Variants in IRAG1 observed in about 807,000 individuals in gnomAD.
IRAG1 encodes the protein IP3R-associated cGMP kinase substrate.
Under a neutral mutation model 106.2 loss-of-function variants are expected in IRAG1, and 62 were observed. The ratio of observed to expected loss-of-function variants is 0.58; its 90% CI spans 0.48 to 0.72. The LOEUF (loss-of-function observed/expected upper bound fraction) is 0.72, where lower values mean the gene tolerates loss of function less well. Among genes scored for constraint, IRAG1 ranks in the 30% least tolerant of loss-of-function variants. IRAG1 has a pLI of 0.00. For synonymous variants in IRAG1, 462 were observed against 443.9 expected (o/e 1.04, Z -0.51); for missense variants, 1,064 against 1,140.7 (o/e 0.93, Z 0.97).
chr11:10,652,119 C>CGT lies in IRAG1; in HGVS notation c.129_130dup (p.Arg44HisfsTer50), dbSNP rs766554524. On this transcript the variant is annotated frameshift_variant, in exon 2 of 21. Coordinates refer to ENST00000423302, the MANE Select transcript of IRAG1 (RefSeq NM_130385.4). LOFTEE classifies it high-confidence loss of function. ...GGCAGCCTCCTGCTGGGAGTGGCCA[C>CGT]GTGTGCCCGGAACCTCCGCTGCGTC... 2 of 1,611,416 alleles carry CGT rather than the reference C, an allele frequency of 1.2e-6. No homozygotes were observed. Among genetic ancestry groups the CGT allele is most frequent in the Non-Finnish European group, 8.5e-7 (1 of 1,178,992 alleles).
chr11:10,632,152 TTC>T (rs1856744703), intron 3 of IRAG1, 91 bp from the exon 4 acceptor site: 1 of 857,454 alleles, frequency 1.2e-6, no homozygotes, highest in Admixed American at 2.5e-5. Context: ...TTCTTTTTCT[TTC>T]TTTCTTTCTT....
At chr11:10,635,717 CCATTTT>C (rs1857097230) in intron 2 of IRAG1, among the ~76,000 whole-genome samples, 1 of 152,170 alleles carries the variant, frequency 6.6e-6, no homozygotes, top group Non-Finnish European at 1.5e-5. Flanking sequence ...CCAGCTTTTC[CCATTTT>C]CATTTTCATC....
chr11:10,627,286 G>A (rs753898274), intron 8 of IRAG1, among the ~76,000 whole-genome samples: 54 of 152,128 alleles, frequency 3.5e-4, no homozygotes, highest in Non-Finnish European at 6.9e-4. Context: ...GAGCACGTGG[G>A]CCCCTCGATG....
chr11:10,617,271 C>T, intron 10 of IRAG1: 2 of 805,410 alleles, frequency 2.5e-6, no homozygotes, highest in Non-Finnish European at 3.0e-6. Flanking sequence ...GCAGTAGATA[C>T]ACTTTGTCAT....
chr11:10,596,573 C>G (rs1853334703), intron 15 of IRAG1, among the ~76,000 whole-genome samples: 1 of 152,142 alleles, frequency 6.6e-6, no homozygotes, highest in Non-Finnish European at 1.5e-5. Flanking sequence ...GCCATTCTTT[C>G]TTGGCATATT....
chr11:10,600,811 C>T (rs1853912465), intron 15 of IRAG1, 107 bp downstream of exon 15: 2 of 1,443,830 alleles, frequency 1.4e-6, no homozygotes, highest in Admixed American at 2.3e-5. Flanking sequence ...GAGTGCTGCT[C>T]AACTGGAAAT....
intron 18 of IRAG1, among the ~76,000 whole-genome samples, chr11:10,583,714 C>T (rs985501917): frequency 4.6e-5 from 7 of 151,984 alleles, no homozygotes; most frequent in African/African-American, 1.5e-4. Context: ...AAGGGATGCC[C>T]GAAGGAACTC....
At position 10,603,250 on chromosome 11, in the gene IRAG1, G is replaced by C. The variant is rs1276993155; in HGVS notation, c.1745C>G (p.Ser582Cys). 6.2e-7 allele frequency: 1 copy of C among 1,613,496 alleles called. No individual in the cohort carries two copies. Among genetic ancestry groups the C allele is most frequent in the Non-Finnish European group, 8.5e-7 (1 of 1,179,790 alleles). Reference protein sequence around the residue: ...ELENFKASITSSASLWHHCEH... With the variant: ...ELENFKASITCSASLWHHCEH... ...ACAGTGGTGCCAGAGTGAAGCTGAG[G>C]ACTGAACAGGAGTAGGAGCATCACC... is the stretch of plus-strand genomic sequence containing the variant. Residue 582 changes from serine (S) to cysteine (C), a missense_variant and splice_region_variant, in exon 14 of 21, where the codon TCC (serine) becomes TGC (cysteine). Ser to Cys is a moderately radical substitution (Grantham distance 112). Transcript: ENST00000423302.
intron 1 of IRAG1, among the ~76,000 whole-genome samples, chr11:10,689,418 A>G (rs764869972): frequency 6.6e-6 from 1 of 152,226 alleles, no homozygotes; most frequent in Non-Finnish European, 1.5e-5. Context: ...AGAAGGAATA[A>G]TGTTCTTACA....
intron 15 of IRAG1, among the ~76,000 whole-genome samples, chr11:10,598,124 T>G (rs1369904481): frequency 6.6e-6 from 1 of 152,176 alleles, no homozygotes; most frequent in African/African-American, 2.4e-5. Flanking sequence ...GCCCTTAACT[T>G]TCTGTGGGAA....
intron 18 of IRAG1, among the ~76,000 whole-genome samples, chr11:10,589,645 C>T (rs891701541): frequency 1.3e-5 from 2 of 152,158 alleles, no homozygotes; most frequent in African/African-American, 4.8e-5. Flanking sequence ...TCCTGAACCC[C>T]TCTTCCTCTA....
intron 15 of IRAG1, among the ~76,000 whole-genome samples, chr11:10,595,976 C>A (rs910914219): frequency 2.0e-5 from 3 of 152,186 alleles, no homozygotes; most frequent in Admixed American, 6.5e-5. Flanking sequence ...TGTTAGTTTG[C>A]TAAGGATAAG....
intron 15 of IRAG1, among the ~76,000 whole-genome samples, chr11:10,597,920 C>T (rs1853513994): frequency 6.6e-6 from 1 of 152,218 alleles, no homozygotes; most frequent in Non-Finnish European, 1.5e-5. Context: ...CACCATCTTG[C>T]TGTTCTTTTC....
In IRAG1 at chr11:10,601,405, C is replaced by T. The variant is rs142586495; in HGVS notation, c.1876-346G>A. 4.7e-3 allele frequency among the ~76,000 whole-genome samples: 712 copies of T among 152,280 alleles called. 6 individuals carry two copies. Among genetic ancestry groups the T allele is most frequent in the African/African-American group, 0.016 (675 of 41,534 alleles). On this transcript the variant is annotated intron_variant, in intron 14 of 20. Transcript: ENST00000423302. ...CCCATAGACAAGGGCAGGAGGGACACAGCGTTCAGGCCAGGGAACTCCAAG... is the reference window on the plus strand; with the variant it reads ...CCCATAGACAAGGGCAGGAGGGACATAGCGTTCAGGCCAGGGAACTCCAAG...
At chr11:10,649,879 C>T (rs372476353) in intron 2 of IRAG1, among the ~76,000 whole-genome samples, 3 of 152,076 alleles carry the variant, frequency 2.0e-5, no homozygotes, top group Non-Finnish European at 4.4e-5. Flanking sequence ...TATTAAATAA[C>T]GGATGGTCTC....
chr11:10,649,554 G>T (rs1458570594), intron 2 of IRAG1, among the ~76,000 whole-genome samples: 1 of 152,166 alleles, frequency 6.6e-6, no homozygotes, highest in Admixed American at 6.5e-5. Context: ...AGCCCAGCTT[G>T]GTATGACTGC....
chr11:10,651,983 G>A, intron 2 of IRAG1, 42 bp downstream of exon 2: 1 of 1,518,802 alleles, frequency 6.6e-7, no homozygotes, highest in Non-Finnish European at 8.8e-7. Context: ...GCTTGGCTTG[G>A]CCCCCAGCCA....
chr11:10,646,877 T>C (rs1857993298), intron 2 of IRAG1, among the ~76,000 whole-genome samples: 2 of 152,136 alleles, frequency 1.3e-5, no homozygotes, highest in Admixed American at 6.5e-5. Context: ...AATGTGTCCA[T>C]GTCCCTTCCT....
chr11:10,589,514 G>A (rs760198376), intron 18 of IRAG1, among the ~76,000 whole-genome samples: 87 of 151,964 alleles, frequency 5.7e-4, no homozygotes, highest in Non-Finnish European at 1.0e-3. Context: ...TGAACCACCC[G>A]CCTCAGCCTC....
Sources: allele counts gnomAD v4.1 joint callset (sites outside exome capture counted in the v4.1 genomes callset), GRCh38; gene constraint gnomAD v4.1.1; transcripts MANE v1.5; gene names NCBI Gene and HGNC (gene_info 2026-07-23, HGNC 2026-07-21).